EPHA5: variants seen among roughly 807,000 people sequenced by gnomAD.
The protein encoded by EPHA5 is EPH receptor A5, also known as ephrin type-A receptor 5.
EPHA5 carries 60 observed loss-of-function variants against 105.0 expected under a neutral mutation model. The ratio of observed to expected loss-of-function variants is 0.57; its 90% CI spans 0.46 to 0.71. EPHA5 has a LOEUF of 0.71. Ranked by LOEUF, EPHA5 falls within the 30% of genes least tolerant of loss-of-function variation. EPHA5 has a pLI of 0.00. For missense variants in EPHA5, 1,218 were observed against 1,274.7 expected (o/e 0.96, Z 0.68); for synonymous variants, 513 against 449.1 (o/e 1.14, Z -1.80).
intron 3 of EPHA5, among the ~76,000 whole-genome samples, chr4:65,498,115 C>T (rs115653917): frequency 4.6e-5 from 7 of 151,906 alleles, no homozygotes; most frequent in East Asian, 1.9e-4. Flanking sequence ...AAAGTGTATC[C>T]GTACCTTAAA....
chr4:65,450,304 TTTC>T (rs1184401811), intron 5 of EPHA5, among the ~76,000 whole-genome samples: 1 of 152,188 alleles, frequency 6.6e-6, no homozygotes, highest in African/African-American at 2.4e-5. Flanking sequence ...AGTGGAAATG[TTTC>T]TTATGTTTCA....
chr4:65,561,233 C>A (rs1738979943), intron 3 of EPHA5, among the ~76,000 whole-genome samples: 2 of 149,452 alleles, frequency 1.3e-5, no homozygotes, highest in African/African-American at 2.5e-5. Flanking sequence ...AATAAATGAG[C>A]TTTGTAAGAT....
intron 2 of EPHA5, among the ~76,000 whole-genome samples, chr4:65,615,486 T>G (rs1745149894): frequency 1.3e-5 from 2 of 151,848 alleles, no homozygotes; most frequent in African/African-American, 4.8e-5. Flanking sequence ...GAAAATAGAA[T>G]GACATAGTCA....
chr4:65,560,064 T>G (rs543822383), intron 3 of EPHA5, among the ~76,000 whole-genome samples: 11 of 152,246 alleles, frequency 7.2e-5, no homozygotes, highest in African/African-American at 2.4e-4. Context: ...AAAGCTTGAT[T>G]TTTTATGACT....
At chr4:65,565,791 T>A (rs539204289) in intron 3 of EPHA5, among the ~76,000 whole-genome samples, 1 of 151,670 alleles carries the variant, frequency 6.6e-6, no homozygotes, top group South Asian at 2.1e-4. Context: ...AATAAAAAAA[T>A]TACAGAATAT....
At chr4:65,616,761 C>T (rs1226275082) in intron 2 of EPHA5, among the ~76,000 whole-genome samples, 2 of 151,930 alleles carry the variant, frequency 1.3e-5, no homozygotes, top group Non-Finnish European at 1.5e-5. Context: ...ATTTATTTCT[C>T]TATACTTTGA....
intron 3 of EPHA5, among the ~76,000 whole-genome samples, chr4:65,517,447 T>A (rs767577471): frequency 3.9e-5 from 6 of 151,940 alleles, no homozygotes; most frequent in Non-Finnish European, 8.8e-5. Context: ...CAGAATAAAT[T>A]TGAGTTTTGA....
intron 3 of EPHA5, among the ~76,000 whole-genome samples, chr4:65,546,503 A>G (rs1560678579): frequency 2.0e-5 from 3 of 151,908 alleles, no homozygotes; most frequent in Admixed American, 6.6e-5. Flanking sequence ...TATTTTTCTA[A>G]TGGTTCTTGT....
At chr4:65,475,092 A>G (rs961909227) in intron 5 of EPHA5, among the ~76,000 whole-genome samples, 2 of 152,198 alleles carry the variant, frequency 1.3e-5, no homozygotes, top group African/African-American at 2.4e-5. Context: ...ATTGTCACTC[A>G]AAGGTAATAG....
At chr4:65,365,628 C>T (rs114965224) in intron 10 of EPHA5, among the ~76,000 whole-genome samples, 15,983 of 115,000 alleles carry the variant, frequency 0.14, 1,157 homozygotes, top group Middle Eastern at 0.2. Context: ...TACATAAATA[C>T]TTTTGGGTAT....
At chr4:65,657,521 A>G (rs897571386) in intron 1 of EPHA5, among the ~76,000 whole-genome samples, 4 of 152,172 alleles carry the variant, frequency 2.6e-5, no homozygotes, top group Non-Finnish European at 1.5e-5. Flanking sequence ...GCAAATCTAA[A>G]ATACAGTATT....
chr4:65,345,049 T>C (rs1037869768), intron 14 of EPHA5, among the ~76,000 whole-genome samples: 13 of 152,174 alleles, frequency 8.5e-5, no homozygotes, highest in African/African-American at 2.9e-4. Flanking sequence ...AGTTTCTTAA[T>C]TGTAAAACAG....
rs554782057 is a variant in EPHA5 at position 65,401,876 on chromosome 4, A to G, written c.1793+2498T>C. Among the ~76,000 whole-genome samples the G allele has an allele frequency of 7.4e-5, 11 of 149,150 alleles. No individual in the cohort carries two copies. The South Asian group carries it at 1.1e-3, about 14-fold the overall frequency. ...TTGTTCTTGAACAGCAATTTCAGGTATATATAGAATTTGTGTATGTGTGTG... is the reference window on the plus strand; with the variant it reads ...TTGTTCTTGAACAGCAATTTCAGGTGTATATAGAATTTGTGTATGTGTGTG... On this transcript the variant is annotated intron_variant, in intron 8 of 16. Coordinates refer to ENST00000613740, the MANE Select transcript of EPHA5 (RefSeq NM_001281766.3).
intron 3 of EPHA5, among the ~76,000 whole-genome samples, chr4:65,540,639 A>G (rs967822689): frequency 1.3e-5 from 2 of 151,376 alleles, no homozygotes; most frequent in Non-Finnish European, 3.0e-5. Flanking sequence ...TTACACCACT[A>G]ATCAAACAAT....
At chr4:65,442,687 C>A (rs1363097583) in intron 5 of EPHA5, among the ~76,000 whole-genome samples, 5 of 152,160 alleles carry the variant, frequency 3.3e-5, no homozygotes, top group Non-Finnish European at 5.9e-5. Flanking sequence ...TATTAAATTT[C>A]TGAGTTTCTA....
At chr4:65,331,522 G>A in intron 16 of EPHA5, 1 of 1,053,938 alleles carries the variant, frequency 9.5e-7, no homozygotes, top group Non-Finnish European at 1.1e-6. Context: ...GGGAAGCTTT[G>A]TTTAAGCTAC....
At chr4:65,426,717 A>G (rs1018777782) in intron 5 of EPHA5, among the ~76,000 whole-genome samples, 2 of 152,162 alleles carry the variant, frequency 1.3e-5, no homozygotes, top group Non-Finnish European at 2.9e-5. Flanking sequence ...TATTGCATGG[A>G]TCGTTCTAGT....
At chr4:65,351,632 A>G in intron 12 of EPHA5, 34 bp from the exon 13 acceptor site, 1 of 1,587,652 alleles carries the variant, frequency 6.3e-7, no homozygotes, top group Non-Finnish European at 8.6e-7. Context: ...TAGTCTAGCA[A>G]CACCAATCAC....
chr4:65,538,920 A>G (rs1736551333), intron 3 of EPHA5, among the ~76,000 whole-genome samples: 1 of 151,706 alleles, frequency 6.6e-6, no homozygotes, highest in Non-Finnish European at 1.5e-5. Context: ...GGTGATTTAA[A>G]GACATTCTGC....
Sources: gnomAD v4.1 joint callset for allele counts (sites outside exome capture counted in the v4.1 genomes callset) on GRCh38, gnomAD v4.1.1 for gene constraint, MANE v1.5 for transcripts, NCBI Gene and HGNC (gene_info 2026-07-23, HGNC 2026-07-21) for gene names.